The following TPTE2 variants were observed in gnomAD, a reference collection of about 807,000 sequenced individuals.
TPTE2 encodes the protein phosphatidylinositol 3,4,5-trisphosphate 3-phosphatase TPTE2.
In TPTE2, 53 loss-of-function variants were observed where a neutral mutation model predicts 78.6. The ratio of observed to expected loss-of-function variants is 0.67; its 90% CI spans 0.54 to 0.85. The LOEUF (loss-of-function observed/expected upper bound fraction) is 0.85, where lower values mean the gene tolerates loss of function less well. TPTE2 is among the 40% of genes least tolerant of loss of function. TPTE2 has a pLI of 0.00. For synonymous variants in TPTE2, 175 were observed against 206.2 expected, an observed-to-expected ratio of 0.85 and a Z score of 1.30; for missense variants, 461 against 623.0, an observed-to-expected ratio of 0.74 and a Z score of 2.77.
At chr13:19,469,961 A>C (rs1485560072) in intron 6 of TPTE2, among the ~76,000 whole-genome samples, 8 of 152,166 alleles carry the variant, frequency 5.3e-5, no homozygotes, top group Admixed American at 3.9e-4. Flanking sequence ...TATCATCTGC[A>C]AACACAAGGA....
chr13:19,560,378 C>T, the TPTE2 span: 8 of 1,608,210 alleles, frequency 5.0e-6, no homozygotes, highest in East Asian at 8.9e-5. Flanking sequence ...CCCAGTTCCC[C>T]CAGGCCAGCT....
the TPTE2 span, among the ~76,000 whole-genome samples, chr13:19,554,912 T>C: frequency 6.6e-6 from 1 of 152,222 alleles, no homozygotes; most frequent in African/African-American, 2.4e-5. Flanking sequence ...TAGCCACATT[T>C]ACAGAGCAAT....
chr13:19,439,728 T>G (rs182768274), intron 13 of TPTE2, among the ~76,000 whole-genome samples: 2 of 152,180 alleles, frequency 1.3e-5, no homozygotes, highest in African/African-American at 4.8e-5. Flanking sequence ...ATCCAGGAAA[T>G]GAAGGAAGAG....
At chr13:19,459,365 G>A (rs374186054) in intron 10 of TPTE2, among the ~76,000 whole-genome samples, 3 of 152,084 alleles carry the variant, frequency 2.0e-5, no homozygotes, top group African/African-American at 7.2e-5. Flanking sequence ...TCCTTCCTTT[G>A]GAAGCTTCAT....
intron 3 of TPTE2, among the ~76,000 whole-genome samples, chr13:19,488,972 A>G (rs1880820152): frequency 6.6e-6 from 1 of 152,112 alleles, no homozygotes; most frequent in South Asian, 2.1e-4. Context: ...TCACTAGGAC[A>G]CTCAGAGACC....
At chr13:19,560,668 G>A in the TPTE2 span, 1 of 1,540,836 alleles carries the variant, frequency 6.5e-7, no homozygotes. Flanking sequence ...GAGCTTCTCA[G>A]GCTCAACCAC....
chr13:19,463,875 C>A (rs1406233243), intron 10 of TPTE2, among the ~76,000 whole-genome samples: 2 of 152,188 alleles, frequency 1.3e-5, no homozygotes, highest in Non-Finnish European at 1.5e-5. Flanking sequence ...TAGGCATATG[C>A]ATGCTAGCTG....
the TPTE2 span, among the ~76,000 whole-genome samples, chr13:19,546,466 G>A: frequency 1.4e-5 from 2 of 145,514 alleles, no homozygotes; most frequent in African/African-American, 5.0e-5. Context: ...TTGATTTTTG[G>A]GTTTTTTTTT....
At chr13:19,545,517 C>T in the TPTE2 span, among the ~76,000 whole-genome samples, 1 of 152,104 alleles carries the variant, frequency 6.6e-6, no homozygotes, top group East Asian at 1.9e-4. Flanking sequence ...GCCCCCTCAC[C>T]CCAATCCTTT....
intron 13 of TPTE2, among the ~76,000 whole-genome samples, chr13:19,448,199 T>G (rs1877955951): frequency 6.6e-6 from 1 of 152,176 alleles, no homozygotes; most frequent in Non-Finnish European, 1.5e-5. Flanking sequence ...TGCTTAACTG[T>G]GAAACGTGAA....
chr13:19,536,270 A>G (rs1871206924), intron 1 of TPTE2, among the ~76,000 whole-genome samples: 1 of 152,176 alleles, frequency 6.6e-6, no homozygotes, highest in Non-Finnish European at 1.5e-5. Context: ...TTAAAATATT[A>G]TGAAACACTG....
chr13:19,459,176 T>C (rs1324923883), intron 10 of TPTE2, among the ~76,000 whole-genome samples: 1 of 152,182 alleles, frequency 6.6e-6, no homozygotes, highest in East Asian at 1.9e-4. Flanking sequence ...ATCAGTGATG[T>C]TGAGATTTTT....
At position 19,491,392 on chromosome 13, in the gene TPTE2, T is replaced by A. The variant is rs1208850769; in HGVS notation, c.119+1458A>T. 2.0e-5 allele frequency among the ~76,000 whole-genome samples: 3 copies of A among 152,308 alleles called. No homozygotes were observed. The South Asian group carries it at 6.2e-4, about 32-fold the overall frequency. On this transcript the variant is annotated intron_variant, in intron 3 of 19. Coordinates refer to ENST00000400230, the Ensembl canonical transcript of TPTE2. Reference sequence around the variant, plus strand: ...TTTCCATAAATATGAAATACATACATATATAATAAGTGAGGGTATGCAAAT... The same window carrying A: ...TTTCCATAAATATGAAATACATACAAATATAATAAGTGAGGGTATGCAAAT...
chr13:19,425,411 A>G (rs1277408442), intron 18 of TPTE2, among the ~76,000 whole-genome samples: 3 of 152,118 alleles, frequency 2.0e-5, no homozygotes, highest in South Asian at 4.1e-4. Context: ...TATAAATTGT[A>G]TTTTCTGATC....
intron 13 of TPTE2, among the ~76,000 whole-genome samples, chr13:19,442,226 C>T (rs1381416008): frequency 1.3e-5 from 2 of 151,650 alleles, no homozygotes; most frequent in East Asian, 3.9e-4. Context: ...GAAAAAAATA[C>T]ATAGTATGTT....
At chr13:19,448,405 AATATCTACAAAGCATACATTCGAT>A (rs2137524591) in intron 13 of TPTE2, among the ~76,000 whole-genome samples, 1 of 152,340 alleles carries the variant, frequency 6.6e-6, no homozygotes, top group South Asian at 2.1e-4. Flanking sequence ...GAATGGGAGA[AATATCTACAAAGCATACATTCGAT>A]AATAGGTTAA....
chr13:19,514,899 G>A (rs978343120), intron 1 of TPTE2, among the ~76,000 whole-genome samples: 2 of 151,740 alleles, frequency 1.3e-5, no homozygotes, highest in Non-Finnish European at 2.9e-5. Flanking sequence ...TCCTAGCACC[G>A]AAACCCCTGG....
At chr13:19,472,038 G>A (rs1879649817) in intron 6 of TPTE2, among the ~76,000 whole-genome samples, 1 of 152,174 alleles carries the variant, frequency 6.6e-6, no homozygotes, top group Non-Finnish European at 1.5e-5. Context: ...TCTGCTGCCA[G>A]ATATATTGTA....
At chr13:19,454,663 CTT>C (rs1878426846) in intron 10 of TPTE2, among the ~76,000 whole-genome samples, 1 of 152,128 alleles carries the variant, frequency 6.6e-6, no homozygotes, top group African/African-American at 2.4e-5. Context: ...CTTATTAGTA[CTT>C]TGTCAATGCC....
Sources: gnomAD v4.1 joint callset for allele counts (sites outside exome capture counted in the v4.1 genomes callset) on GRCh38, gnomAD v4.1.1 for gene constraint, MANE v1.5 for transcripts, NCBI Gene and HGNC (gene_info 2026-07-23, HGNC 2026-07-21) for gene names.